The following HECTD4 variants were observed in gnomAD, a reference collection of about 807,000 sequenced individuals.
HECTD4 encodes the protein HECT domain E3 ubiquitin protein ligase 4.
A neutral mutation model predicts 471.5 loss-of-function variants in HECTD4; 114 were observed. The observed-to-expected ratio is 0.24, with a 90% confidence interval of 0.21 to 0.28. The LOEUF is 0.28. Among genes scored for constraint, HECTD4 ranks in the 10% least tolerant of loss-of-function variants. The pLI, the probability that HECTD4 is intolerant of heterozygous loss-of-function variation, is 1.00. For synonymous variants in HECTD4, 2,012 were observed against 2,256.0 expected, an observed-to-expected ratio of 0.89 and a Z score of 3.07; for missense variants, 3,866 against 5,651.5, an observed-to-expected ratio of 0.68 and a Z score of 10.13.
Position 112,209,195 on chromosome 12 carries a change from T to C in HECTD4, c.7868-565A>G, listed in dbSNP as rs372927356. ...GATTATAGATGTGAGCCACAGTGTC[T>C]GGCCCTAAACAGAATCTTAAAACAG... On this transcript the variant is annotated intron_variant, in intron 50 of 75. Transcript: ENST00000682272. Among the ~76,000 whole-genome samples, 298 of 152,280 alleles carry C rather than the reference T, an allele frequency of 2.0e-3. 3 individuals carry two copies. Among genetic ancestry groups the C allele is most frequent in the South Asian group, 0.016 (75 of 4,814 alleles).
chr12:112,252,873 A>C (rs2033923403), intron 22 of HECTD4, among the ~76,000 whole-genome samples: 1 of 151,792 alleles, frequency 6.6e-6, no homozygotes, highest in Admixed American at 6.6e-5. Context: ...GCAGTGGCAC[A>C]ATCATGGCTC....
intron 13 of HECTD4, among the ~76,000 whole-genome samples, chr12:112,268,524 G>A (rs2034331508): frequency 1.3e-5 from 2 of 152,196 alleles, no homozygotes; most frequent in Admixed American, 1.3e-4. Flanking sequence ...GGGAGGCCAA[G>A]GTGGGTGGAT....
chr12:112,297,924 C>T (rs910194703), intron 7 of HECTD4, among the ~76,000 whole-genome samples: 2 of 152,124 alleles, frequency 1.3e-5, no homozygotes, highest in Non-Finnish European at 2.9e-5. Context: ...AGAGGTCCTA[C>T]AGATAAGACT....
At chr12:112,199,711 A>T (rs1163409862) in intron 55 of HECTD4, among the ~76,000 whole-genome samples, 1 of 152,204 alleles carries the variant, frequency 6.6e-6, no homozygotes, top group Non-Finnish European at 1.5e-5. Flanking sequence ...TGCCTTGAAC[A>T]CCTTCTCTTC....
At chr12:112,290,350 T>C (rs2034849853) in intron 7 of HECTD4, among the ~76,000 whole-genome samples, 1 of 151,400 alleles carries the variant, frequency 6.6e-6, no homozygotes, top group Non-Finnish European at 1.5e-5. Flanking sequence ...CAATCAATCA[T>C]AGGCTCTAGA....
At chr12:112,211,989 T>G (rs1485056966) in intron 49 of HECTD4, among the ~76,000 whole-genome samples, 1 of 152,168 alleles carries the variant, frequency 6.6e-6, no homozygotes, top group Non-Finnish European at 1.5e-5. Context: ...GCTACCAGCA[T>G]GTAGTAAGTA....
At chr12:112,170,196 A>G in intron 69 of HECTD4, 137 bp downstream of exon 69, 1 of 1,239,376 alleles carries the variant, frequency 8.1e-7, no homozygotes, top group Non-Finnish European at 1.1e-6. Flanking sequence ...AGGAAGCCAC[A>G]CACCAGGGCG....
intron 1 of HECTD4, among the ~76,000 whole-genome samples, chr12:112,370,004 C>A (rs1025700583): frequency 6.6e-6 from 1 of 152,104 alleles, no homozygotes; most frequent in Non-Finnish European, 1.5e-5. Flanking sequence ...AGGGACTTTG[C>A]AGATGTGATT....
rs935757788 is a variant in HECTD4 at position 112,176,844 on chromosome 12, C to A, written c.11364-142G>T. On this transcript the variant is annotated intron_variant, in intron 64 of 75. Coordinates refer to ENST00000682272, the MANE Select transcript of HECTD4 (RefSeq NM_001388303.1). ...TCAGATAGGGCGGGGGCGTTCAAGA[C>A]CGCCTTTGTTCTGAGTGAGAAAAGT... The A allele has an allele frequency of 9.3e-5, 62 of 664,958 alleles. No individual in the cohort carries two copies. The African/African-American group carries it at 1.0e-3, about 11-fold the overall frequency. 41.2% of individuals were successfully genotyped at this position (664,958 alleles called of 1,614,324 possible). A position where few individuals can be genotyped will look rare whatever the true frequency, so the allele number is the denominator to read the frequency against.
rs141163497 is a variant in HECTD4, at chr12:112,228,244, A to T, written c.6699T>A (p.His2233Gln). 4.8e-5 allele frequency: 77 copies of T among 1,599,844 alleles called. No homozygotes were observed. In the African/African-American group the frequency reaches 9.3e-4, roughly 19 times the overall value. ...CVPRSEALPLHKLSITEKVVQ... is the reference protein window; with the variant it reads ...CVPRSEALPLQKLSITEKVVQ... ...CTACCTTCTCAGTAATGGACAGTTTATGAAGAGGCAATGCCTGATGGCGGT... is the reference window on the plus strand; with the variant it reads ...CTACCTTCTCAGTAATGGACAGTTTTTGAAGAGGCAATGCCTGATGGCGGT... The change falls in exon 43 of 76, where the codon CAT becomes CAA. Residue 2233 changes from histidine to glutamine, a missense_variant. By Grantham distance (24) the His-to-Gln change is conservative (BLOSUM62 0). Transcript: ENST00000682272. The surrounding 1 kb of genome is among the most constrained non-coding windows in gnomAD (Gnocchi z 4.9).
At chr12:112,380,902 C>T (rs2036874861) in intron 1 of HECTD4, among the ~76,000 whole-genome samples, 2 of 152,134 alleles carry the variant, frequency 1.3e-5, no homozygotes, top group South Asian at 4.1e-4. Flanking sequence ...GCACGCAAAA[C>T]CGCAAAACAC....
rs553872476 is a variant in HECTD4 at position 112,212,952 on chromosome 12, C to T, written c.7466-302G>A. On this transcript the variant is annotated intron_variant, in intron 48 of 75. Transcript: ENST00000682272. ...CTGGGATTACAGGCGCCTACAAGCA[C>T]GCCCAGTTAATTTTTGTATTTTTAG... Among the ~76,000 whole-genome samples, 8 of 152,272 alleles carry T rather than the reference C, an allele frequency of 5.3e-5. No homozygotes were observed. In the South Asian group the frequency reaches 1.0e-3, roughly 20 times the overall value.
At chr12:112,306,837 GCTTA>G (rs1337662581) in intron 6 of HECTD4, among the ~76,000 whole-genome samples, 2 of 152,064 alleles carry the variant, frequency 1.3e-5, no homozygotes, top group African/African-American at 4.8e-5. Context: ...GCATATGAGG[GCTTA>G]CTGAAATTCA....
intron 60 of HECTD4, among the ~76,000 whole-genome samples, chr12:112,186,324 T>TTTTTTTTTTTTTA (rs2031860551): frequency 6.9e-6 from 1 of 144,402 alleles, no homozygotes; most frequent in Admixed American, 6.9e-5. Context: ...TTTTTTTTTT[T>TTTTTTTTTTTTTA]AATTATTTTT....
chr12:112,189,824 G>C (rs1055029163), intron 60 of HECTD4, among the ~76,000 whole-genome samples: 5 of 151,902 alleles, frequency 3.3e-5, no homozygotes, highest in Admixed American at 6.6e-5. Context: ...CGCAATCTTG[G>C]CTCACTGCAA....
chr12:112,279,414 C>A (rs753947609), intron 8 of HECTD4, 28 bp from the exon 9 acceptor site: 7 of 1,563,706 alleles, frequency 4.5e-6, no homozygotes, highest in South Asian at 2.4e-5. Context: ...AATGCTAAAT[C>A]AAAATATTTG....
chr12:112,167,084 G>A (rs2030997129), intron 72 of HECTD4: 1 of 429,476 alleles, frequency 2.3e-6, no homozygotes, highest in Non-Finnish European at 4.1e-6. Context: ...TGGGAGGGGA[G>A]GGCCAGCAGG....
At chr12:112,215,703 G>A (rs2032899476) in intron 48 of HECTD4, among the ~76,000 whole-genome samples, 1 of 152,142 alleles carries the variant, frequency 6.6e-6, no homozygotes, top group Non-Finnish European at 1.5e-5. Flanking sequence ...GTAGTGGTAT[G>A]ATCACAACTC....
chr12:112,319,509 C>A lies in HECTD4; in HGVS notation c.411G>T (p.Glu137Asp). The A allele has an allele frequency of 6.8e-7, 1 of 1,475,478 alleles. No individual in the cohort carries two copies. The allele number at this position is 1,475,478 out of a possible 1,614,324, so 91.4% of individuals were successfully genotyped here. ...CCATCCTCGATGTGAAGGGCGCTTG[C>A]TCAGGTTGCTGCAACAAGCCCTGGC... The part of the protein sequence containing the change: ...LKRQGLLQQP[E>D]QAPFTSRMGL... Residue 137 changes from glutamate (E) to aspartate (D), a missense_variant, in exon 2 of 76, where the codon GAG becomes GAT. Coordinates refer to ENST00000682272, the MANE Select transcript of HECTD4 (RefSeq NM_001388303.1). This position sits in a 1 kb window ranked among gnomAD's most constrained non-coding sequence, Gnocchi z 5.3.
Sources: gnomAD v4.1 joint callset for allele counts (sites outside exome capture counted in the v4.1 genomes callset) on GRCh38, gnomAD v4.1.1 for gene constraint, Gnocchi (gnomAD v3.1) non-coding constraint, MANE v1.5 for transcripts, NCBI Gene and HGNC (gene_info 2026-07-23, HGNC 2026-07-21) for gene names.